The following WNT10A variants were observed in gnomAD, a reference collection of about 807,000 sequenced individuals.
The protein encoded by WNT10A is protein Wnt-10a.
WNT10A carries 37 observed loss-of-function variants against 36.1 expected under a neutral mutation model. That is an observed-to-expected ratio of 1.02 (90% CI 0.79 to 1.35). WNT10A has a LOEUF of 1.35. WNT10A is among the 40% of genes most tolerant of loss of function. The pLI is 0.00. For synonymous variants in WNT10A, 255 were observed against 254.1 expected (o/e 1.00, Z -0.03); for missense variants, 613 against 601.4 (o/e 1.02, Z -0.20).
At chr2:218,874,997 G>A in the WNT10A span, among the ~76,000 whole-genome samples, 1 of 151,782 alleles carries the variant, frequency 6.6e-6, no homozygotes, top group Non-Finnish European at 1.5e-5. Context: ...CATTCTGCTG[G>A]AGTCTCCACT....
Position 218,881,041 on chromosome 2 carries a change from C to A in WNT10A, c.46C>A (p.Pro16Thr), listed in dbSNP as rs1164088225. Residue 16 changes from proline to threonine, a missense_variant, in exon 1 of 4, where the codon CCC becomes ACC. Transcript: ENST00000258411. ...PRPWLRLRPQ[P>T]QPRPALWVLL... ...CCCCTGGCTGCGGCTCCGACCCCAG[C>A]CCCAGCCGCGGCCAGCGCTCTGGGT... 6 of 1,603,094 alleles carry A rather than the reference C, an allele frequency of 3.7e-6. No individual in the cohort carries two copies. The highest frequency in any genetic ancestry group is 5.1e-6 in the Non-Finnish European group (6 of 1,175,208).
At chr2:218,886,842 A>C (rs1944583874) in intron 2 of WNT10A, among the ~76,000 whole-genome samples, 1 of 152,190 alleles carries the variant, frequency 6.6e-6, no homozygotes, top group South Asian at 2.1e-4. Context: ...GGGTGGCCAC[A>C]CAGGCCCTGC....
chr2:218,890,655 A>T (rs902128243), intron 3 of WNT10A, among the ~76,000 whole-genome samples: 4 of 152,156 alleles, frequency 2.6e-5, no homozygotes, highest in Admixed American at 6.5e-5. Context: ...AGGAGAAAGG[A>T]CAGGGGTGCA....
intron 2 of WNT10A, among the ~76,000 whole-genome samples, chr2:218,882,809 TC>T (rs749468221): frequency 2.6e-5 from 4 of 152,172 alleles, no homozygotes; most frequent in Non-Finnish European, 5.9e-5. Flanking sequence ...GAACCCAGAA[TC>T]AGCATGAGGA....
upstream of WNT10A, chr2:218,880,845 G>T (rs1271213169): frequency 2.3e-6 from 2 of 883,032 alleles, no homozygotes. This position sits in a 1 kb window ranked among gnomAD's most constrained non-coding sequence, Gnocchi z 7.7. Context: ...GCGGGGAGGC[G>T]GGCGCCGTCT....
chr2:218,885,660 C>T (rs1944569989), intron 2 of WNT10A, among the ~76,000 whole-genome samples: 2 of 152,224 alleles, frequency 1.3e-5, no homozygotes, highest in South Asian at 2.1e-4. Context: ...GCTCTCAGCC[C>T]AGGGGAAGCC....
chr2:218,892,332 CACACA>C, intron 3 of WNT10A, among the ~76,000 whole-genome samples: 1 of 150,788 alleles, frequency 6.6e-6, no homozygotes, highest in Non-Finnish European at 1.5e-5. Context: ...CACACACACA[CACACA>C]CACACACACA....
chr2:218,876,239 A>C (rs1944452419), upstream of WNT10A, among the ~76,000 whole-genome samples: 1 of 152,202 alleles, frequency 6.6e-6, no homozygotes, highest in Non-Finnish European at 1.5e-5. Context: ...AATGGTGTCT[A>C]GGGAGATGTA....
intron 3 of WNT10A, among the ~76,000 whole-genome samples, chr2:218,891,503 G>A (rs747497333): frequency 1.3e-4 from 20 of 152,080 alleles, no homozygotes; most frequent in South Asian, 4.1e-4. Context: ...ACTTAGAGGC[G>A]GGGTAAACTG....
chr2:218,888,604 G>T (rs1454726411), intron 2 of WNT10A, among the ~76,000 whole-genome samples: 1 of 152,192 alleles, frequency 6.6e-6, no homozygotes, highest in Non-Finnish European at 1.5e-5. Context: ...GACCTGGGTG[G>T]GTCACAGGCA....
Position 218,893,302 on chromosome 2 carries a change from G to A in WNT10A, c.*31G>A. 3 of 1,533,656 alleles carry A rather than the reference G, an allele frequency of 2.0e-6. No individual in the cohort carries two copies. Among genetic ancestry groups the A allele is most frequent in the Non-Finnish European group, 1.7e-6 (2 of 1,145,058 alleles). ...CCGGGGTCCCCTGGGCCCTGATCGA[G>A]GTCCCCTCCTGGAGCCTGGCCCTCT... On this transcript the variant is annotated 3_prime_UTR_variant, in exon 4 of 4. Coordinates refer to ENST00000258411, the MANE Select transcript of WNT10A (RefSeq NM_025216.3). This position sits in a 1 kb window ranked among gnomAD's most constrained non-coding sequence, Gnocchi z 6.3.
chr2:218,878,768 G>A (rs747351234), upstream of WNT10A, among the ~76,000 whole-genome samples: 17 of 152,276 alleles, frequency 1.1e-4, no homozygotes, highest in Non-Finnish European at 1.5e-5. This position sits in a 1 kb window ranked among gnomAD's most constrained non-coding sequence, Gnocchi z 4.1. Context: ...TCCCTTCCCT[G>A]TGTCACGTTC....
chr2:218,876,115 T>C (rs1180147676), upstream of WNT10A, among the ~76,000 whole-genome samples: 1 of 152,210 alleles, frequency 6.6e-6, no homozygotes, highest in Non-Finnish European at 1.5e-5. Context: ...GACAGCTCTA[T>C]ATGCAGTCTT....
At chr2:218,892,670 G>C (rs1321719194) in intron 3 of WNT10A, 104 bp from the exon 4 acceptor site, 2 of 1,504,552 alleles carry the variant, frequency 1.3e-6, no homozygotes, top group Non-Finnish European at 1.8e-6. Context: ...CTCAGCGTTT[G>C]CCTCTGTATA....
At chr2:218,891,719 G>A (rs1246887914) in intron 3 of WNT10A, among the ~76,000 whole-genome samples, 2 of 152,196 alleles carry the variant, frequency 1.3e-5, no homozygotes, top group Non-Finnish European at 1.5e-5. Context: ...TGGTTCCCAC[G>A]TGGTGCTGAC....
upstream of WNT10A, among the ~76,000 whole-genome samples, chr2:218,878,208 C>T (rs1480176933): frequency 6.6e-6 from 1 of 152,118 alleles, no homozygotes; most frequent in East Asian, 1.9e-4. The surrounding 1 kb of genome is among the most constrained non-coding windows in gnomAD (Gnocchi z 4.1). Flanking sequence ...TCATTTGGGG[C>T]TGGGACCCCA....
At chr2:218,891,274 A>G (rs1670744380) in intron 3 of WNT10A, among the ~76,000 whole-genome samples, 1 of 152,176 alleles carries the variant, frequency 6.6e-6, no homozygotes, top group Admixed American at 6.5e-5. Context: ...CCACATTCTG[A>G]TGCCCTGTTG....
At chr2:218,876,640 T>A (rs553056795), upstream of WNT10A, among the ~76,000 whole-genome samples, 5 of 152,240 alleles carry the variant, frequency 3.3e-5, no homozygotes, top group East Asian at 9.7e-4. Flanking sequence ...ACAGTGGAAA[T>A]ACATTATGGT....
Position 218,882,253 on chromosome 2 carries a change from G to T in WNT10A, c.206G>T (p.Arg69Leu), listed in dbSNP as rs751841151. Residue 69 changes from arginine (R) to leucine (L), a missense_variant, in exon 2 of 4, where the codon CGG (arginine) becomes CTG (leucine). Arg to Leu is a moderately radical substitution (Grantham distance 102). Coordinates refer to ENST00000258411, the MANE Select transcript of WNT10A (RefSeq NM_025216.3). ...TVCLTLPGLS[R>L]RQMEVCVRHP... ...TGCCTAACATTGCCAGGCCTGAGCC[G>T]GCGGCAGATGGAGGTGTGTGTGCGT... 1.2e-6 allele frequency: 2 copies of T among 1,614,044 alleles called. No homozygotes were observed. Among genetic ancestry groups the T allele is most frequent in the African/African-American group, 1.3e-5 (1 of 74,906 alleles).
Sources: allele counts gnomAD v4.1 joint callset (sites outside exome capture counted in the v4.1 genomes callset), GRCh38; gene constraint gnomAD v4.1.1; non-coding constraint Gnocchi (gnomAD v3.1); transcripts MANE v1.5; gene names NCBI Gene and HGNC (gene_info 2026-07-23, HGNC 2026-07-21).